Variants in TMEM132D observed in about 807,000 individuals in gnomAD.
TMEM132D encodes the protein mature OL transmembrane protein.
Under a neutral mutation model 62.3 loss-of-function variants are expected in TMEM132D, and 21 were observed. The observed-to-expected ratio is 0.34, with a 90% CI of 0.24 to 0.49. The LOEUF (loss-of-function observed/expected upper bound fraction) is 0.49. Ranked by LOEUF, TMEM132D falls within the 20% of genes least tolerant of loss-of-function variation. TMEM132D has a pLI of 0.99. For missense variants in TMEM132D, 1,346 were observed against 1,402.8 expected (o/e 0.96, Z 0.65); for synonymous variants, 621 against 575.6 (o/e 1.08, Z -1.13).
rs947076695 is a variant in TMEM132D, at chr12:129,700,373, C to T, written c.405G>A (p.Arg135=). ...LNWKLKAHIL[R]DKVYLSRPKV... ...TGGGCCGGCTCAGGTAGACTTTGTC[C>T]CGCAGGATGTGGGCTTTTAGTTTCC... Residue 135 remains arginine (R), a synonymous_variant, in exon 2 of 9, where the codon CGG becomes CGA. Transcript: ENST00000422113. The T allele has an allele frequency of 1.9e-6, 3 of 1,613,886 alleles. No individual in the cohort carries two copies. The highest frequency in any genetic ancestry group is 2.7e-5 in the African/African-American group (2 of 74,936).
intron 1 of TMEM132D, among the ~76,000 whole-genome samples, chr12:129,875,221 A>G (rs1474838030): frequency 1.3e-5 from 2 of 152,176 alleles, no homozygotes; most frequent in African/African-American, 4.8e-5. Context: ...CAAAGTGCGC[A>G]AGGTCGTGGC....
At chr12:129,705,763 A>G (rs1268493610) in intron 1 of TMEM132D, among the ~76,000 whole-genome samples, 1 of 152,170 alleles carries the variant, frequency 6.6e-6, no homozygotes, top group Non-Finnish European at 1.5e-5. Context: ...TCAGATAGAG[A>G]GTTTCAAATA....
Position 129,188,762 on chromosome 12 carries a change from G to GGAGAGAGAGAGA in TMEM132D, c.1443+20746_1443+20757dup, listed in dbSNP as rs569138938. ...AGGAGGGAGAGGGGGAGGGAGAGAG[G>GGAGAGAGAGAGA]GAGAGAGAGAGAGAGAGAGAGAGAG... is the stretch of plus-strand genomic sequence containing the variant. On this transcript the variant is annotated intron_variant, in intron 5 of 8. Transcript: ENST00000422113. 9.5e-5 allele frequency among the ~76,000 whole-genome samples: 12 copies of GGAGAGAGAGAGA among 126,324 alleles called. No individual in the cohort carries two copies. The South Asian group carries it at 1.8e-3, about 19-fold the overall frequency. The allele number at this position is 126,324 out of a possible 152,430, so 82.9% of individuals were successfully genotyped here.
At chr12:129,168,206 A>G (rs1877618859) in intron 5 of TMEM132D, among the ~76,000 whole-genome samples, 1 of 152,056 alleles carries the variant, frequency 6.6e-6, no homozygotes, top group Admixed American at 6.6e-5. Flanking sequence ...GGTTTCCACT[A>G]AGGAGTCTGC....
At chr12:129,649,962 A>G (rs1168412285) in intron 2 of TMEM132D, among the ~76,000 whole-genome samples, 1 of 151,756 alleles carries the variant, frequency 6.6e-6, no homozygotes, top group Middle Eastern at 3.2e-3. Context: ...ATGTGTATAT[A>G]CAGAATAATC....
rs189542372 is a variant in TMEM132D, at chr12:129,078,454, G to A, written c.2115+80C>T. On this transcript the variant is annotated intron_variant, in intron 8 of 8. Transcript: ENST00000422113. ...ATGATCCCACTCTATTGTGCGACCCGCCTGGCGTGGTGCCTGCCTGGTGTG... is the reference window on the plus strand; with the variant it reads ...ATGATCCCACTCTATTGTGCGACCCACCTGGCGTGGTGCCTGCCTGGTGTG... The A allele has an allele frequency of 2.2e-5, 31 of 1,439,382 alleles. No individual in the cohort carries two copies. The East Asian group carries it at 3.0e-4, about 14-fold the overall frequency. The allele number at this position is 1,439,382 out of a possible 1,614,324, so 89.2% of individuals were successfully genotyped here.
chr12:129,776,907 T>C (rs1304104165), intron 1 of TMEM132D, among the ~76,000 whole-genome samples: 1 of 152,214 alleles, frequency 6.6e-6, no homozygotes, highest in African/African-American at 2.4e-5. Context: ...ATCTACACCT[T>C]TGGGTAGGAA....
intron 2 of TMEM132D, among the ~76,000 whole-genome samples, chr12:129,587,703 C>G (rs1024034686): frequency 2.6e-5 from 4 of 152,182 alleles, no homozygotes; most frequent in African/African-American, 9.7e-5. Flanking sequence ...CTTCTCGGCT[C>G]TCACCATCCC....
intron 5 of TMEM132D, among the ~76,000 whole-genome samples, chr12:129,100,005 T>G (rs912678161): frequency 1.6e-5 from 2 of 122,148 alleles, no homozygotes; most frequent in Non-Finnish European, 3.0e-5. Context: ...TTTTGTATTT[T>G]TAGTAGAGAC....
chr12:129,779,365 T>C lies in TMEM132D; in HGVS notation c.80-78667A>G, dbSNP rs1224400067. ...GAGCAGTGGTGTTATCTCTGCTCAC[T>C]ACAACCTCCACTTCCTGGGTTCAGG... On this transcript the variant is annotated intron_variant, in intron 1 of 8. Transcript: ENST00000422113. The surrounding 1 kb of genome is among the most constrained non-coding windows in gnomAD (Gnocchi z 4.1). 6.6e-6 allele frequency among the ~76,000 whole-genome samples: 1 copy of C among 152,210 alleles called. No homozygotes were observed. The highest frequency in any genetic ancestry group is 2.4e-5 in the African/African-American group (1 of 41,468).
At chr12:129,709,973 C>T (rs1207839641) in intron 1 of TMEM132D, among the ~76,000 whole-genome samples, 2 of 152,120 alleles carry the variant, frequency 1.3e-5, no homozygotes, top group African/African-American at 4.8e-5. Flanking sequence ...TATAGAAGTG[C>T]TTAAGACATG....
intron 5 of TMEM132D, among the ~76,000 whole-genome samples, chr12:129,140,510 G>C (rs1876707948): frequency 1.3e-5 from 2 of 151,990 alleles, no homozygotes; most frequent in Non-Finnish European, 2.9e-5. Context: ...ACAGTATAGA[G>C]TCTTTTGTGT....
chr12:129,581,184 C>A (rs7310081), intron 2 of TMEM132D, among the ~76,000 whole-genome samples: 1 of 151,878 alleles, frequency 6.6e-6, no homozygotes, highest in Non-Finnish European at 1.5e-5. Context: ...CTCTTGCCCA[C>A]GTGATCTCTG....
intron 1 of TMEM132D, among the ~76,000 whole-genome samples, chr12:129,781,633 A>T (rs1314456655): frequency 6.6e-6 from 1 of 152,126 alleles, no homozygotes; most frequent in East Asian, 1.9e-4. Flanking sequence ...TTTGGTTACC[A>T]CTATCACATC....
rs1298091326 is a variant in TMEM132D, at chr12:129,609,695, T to A, written c.969-78490A>T. Among the ~76,000 whole-genome samples, 3 of 152,118 alleles carry A rather than the reference T, an allele frequency of 2.0e-5. No individual in the cohort carries two copies. The South Asian group carries it at 6.2e-4, about 32-fold the overall frequency. On this transcript the variant is annotated intron_variant, in intron 2 of 8. Transcript: ENST00000422113. ...CTGGACAAGGGCCAGTGTCTCCTCA[T>A]CCCACGAAGAGGTCGGGCCCCTCTT...
chr12:129,217,170 A>G (rs1021705642), intron 4 of TMEM132D, among the ~76,000 whole-genome samples: 14 of 152,262 alleles, frequency 9.2e-5, no homozygotes, highest in Non-Finnish European at 1.5e-4. Flanking sequence ...ATTCCTTCCT[A>G]AACAAAAGCA....
chr12:129,449,107 T>C (rs1020384000), intron 3 of TMEM132D, among the ~76,000 whole-genome samples: 15 of 152,182 alleles, frequency 9.9e-5, no homozygotes, highest in African/African-American at 3.1e-4. Context: ...TGAGATTTCA[T>C]GGTTCACAAT....
intron 4 of TMEM132D, among the ~76,000 whole-genome samples, chr12:129,315,759 A>G (rs952966290): frequency 2.6e-5 from 4 of 152,066 alleles, no homozygotes; most frequent in Non-Finnish European, 4.4e-5. Flanking sequence ...CTGCTGTGAA[A>G]GTGTCTGGTC....
chr12:129,356,891 CAAAG>C (rs1235460723), intron 3 of TMEM132D, among the ~76,000 whole-genome samples: 3 of 112,284 alleles, frequency 2.7e-5, no homozygotes, highest in South Asian at 2.8e-4. Context: ...AGAAACAAAA[CAAAG>C]GAAGGAAAGG....
Sources: allele counts gnomAD v4.1 joint callset (sites outside exome capture counted in the v4.1 genomes callset), GRCh38; gene constraint gnomAD v4.1.1; non-coding constraint Gnocchi (gnomAD v3.1); transcripts MANE v1.5; gene names NCBI Gene and HGNC (gene_info 2026-07-23, HGNC 2026-07-21).